RIMBP2: variants seen among roughly 807,000 people sequenced by gnomAD.
RIMBP2 encodes RIMS-binding protein 2.
Under a neutral mutation model 118.6 loss-of-function variants are expected in RIMBP2, and 48 were observed. The observed-to-expected ratio is 0.40, with a 90% CI of 0.32 to 0.51. The LOEUF is 0.51. Among genes scored for constraint, RIMBP2 ranks in the 20% least tolerant of loss-of-function variants. RIMBP2 has a pLI of 0.41. For synonymous variants in RIMBP2, 762 were observed against 742.9 expected (o/e 1.03, Z -0.42); for missense variants, 1,551 against 1,768.3 (o/e 0.88, Z 2.20).
intron 2 of RIMBP2, among the ~76,000 whole-genome samples, chr12:130,615,276 C>CATACATATATATATATATAT (rs1455080257): frequency 6.4e-4 from 64 of 100,254 alleles, no homozygotes; most frequent in Middle Eastern, 5.3e-3. Context: ...AATACACATA[C>CATACATATATATATATATAT]ATATATATAT....
intron 2 of RIMBP2, among the ~76,000 whole-genome samples, chr12:130,568,760 A>T (rs1454909760): frequency 6.6e-6 from 1 of 152,166 alleles, no homozygotes; most frequent in African/African-American, 2.4e-5. Context: ...AAATGATTTG[A>T]TACACGCTAT....
chr12:130,418,310 T>C (rs2136606716), intron 17 of RIMBP2, among the ~76,000 whole-genome samples: 1 of 152,328 alleles, frequency 6.6e-6, no homozygotes, highest in Admixed American at 6.5e-5. Flanking sequence ...TATGATTTTG[T>C]TGATAGTCCA....
intron 1 of RIMBP2, among the ~76,000 whole-genome samples, chr12:130,672,871 C>A (rs956564678): frequency 1.3e-5 from 2 of 152,188 alleles, no homozygotes; most frequent in South Asian, 2.1e-4. Context: ...GAAAACACAG[C>A]GTTTACAGGC....
At chr12:130,515,762 A>G (rs2051385597) in intron 3 of RIMBP2, among the ~76,000 whole-genome samples, 1 of 151,840 alleles carries the variant, frequency 6.6e-6, no homozygotes, top group South Asian at 2.1e-4. Context: ...CAATGGCATG[A>G]TCTCGGCTCA....
chr12:130,399,603 A>G, intron 22 of RIMBP2, 76 bp downstream of exon 22: 1 of 1,505,730 alleles, frequency 6.6e-7, no homozygotes, highest in East Asian at 2.3e-5. Context: ...ATATAAAAAT[A>G]TCAGTGCAAA....
At chr12:130,644,387 C>T (rs2062756533) in intron 1 of RIMBP2, among the ~76,000 whole-genome samples, 1 of 152,204 alleles carries the variant, frequency 6.6e-6, no homozygotes. Flanking sequence ...ACCGTAAGAT[C>T]CAGCCCTGAG....
At chr12:130,455,517 C>T (rs2079361059) in intron 7 of RIMBP2, among the ~76,000 whole-genome samples, 1 of 152,232 alleles carries the variant, frequency 6.6e-6, no homozygotes, top group South Asian at 2.1e-4. Context: ...CCTCCCACAG[C>T]CACGACCACT....
intron 12 of RIMBP2, 31 bp downstream of exon 12, chr12:130,438,334 A>ATCCCCCCCCCCCCCC: frequency 7.4e-7 from 1 of 1,344,516 alleles, no homozygotes; most frequent in Non-Finnish European, 1.1e-6. Context: ...GGGCCTAACA[A>ATCCCCCCCCCCCCCC]ACCCTCCCCA....
rs893513105 is a variant in RIMBP2 at position 130,703,521 on chromosome 12, C to T, written c.-352+12701G>A. Among the ~76,000 whole-genome samples the T allele has an allele frequency of 2.0e-5, 3 of 152,136 alleles. 1 individual carries two copies. Among genetic ancestry groups the T allele is most frequent in the South Asian group, 4.1e-4 (2 of 4,828 alleles). ...TCCCTCACCCACTGCTGCGACCACC[C>T]GGTGCTCAGCTCAGGGCTGAGCCGC... is the stretch of plus-strand genomic sequence containing the variant. On this transcript the variant is annotated intron_variant, in intron 1 of 22. Transcript: ENST00000690449. The surrounding 1 kb of genome is among the most constrained non-coding windows in gnomAD (Gnocchi z 5.7).
Position 130,620,980 on chromosome 12 carries a change from A to G in RIMBP2, c.-217+7342T>C, listed in dbSNP as rs188799207. On this transcript the variant is annotated intron_variant, in intron 2 of 22. Coordinates refer to ENST00000690449, the MANE Select transcript of RIMBP2 (RefSeq NM_001393629.1). The surrounding 1 kb of genome is among the most constrained non-coding windows in gnomAD (Gnocchi z 5.3). ...TGTGAGCCATCCTTGGCATGGTTAC[A>G]TTAGCCATGGGCGGGCGAGCAACCT... is the stretch of plus-strand genomic sequence containing the variant. 3.3e-4 allele frequency among the ~76,000 whole-genome samples: 51 copies of G among 152,308 alleles called. No individual in the cohort carries two copies. Among genetic ancestry groups the G allele is most frequent in the Non-Finnish European group, 6.5e-4 (44 of 68,026 alleles).
Position 130,475,615 on chromosome 12 carries a change from G to A in RIMBP2, c.102+3297C>T, listed in dbSNP as rs542522610. Among the ~76,000 whole-genome samples the A allele has an allele frequency of 6.6e-5, 10 of 152,210 alleles. No individual in the cohort carries two copies. The highest frequency in any genetic ancestry group is 3.9e-4 in the East Asian group (2 of 5,156). ...AAGGAAGAGGCCAGGGGCTCCAGGCGGGCGTCTCCAAGGGGAAAATGGAAT... is the reference window on the plus strand; with the variant it reads ...AAGGAAGAGGCCAGGGGCTCCAGGCAGGCGTCTCCAAGGGGAAAATGGAAT... On this transcript the variant is annotated intron_variant, in intron 5 of 22. Transcript: ENST00000690449. The surrounding 1 kb of genome is among the most constrained non-coding windows in gnomAD (Gnocchi z 4.1).
In RIMBP2 at chr12:130,424,577, C is replaced by T. The variant is rs1317691220; in HGVS notation, c.2694G>A (p.Glu898=). Residue 898 remains glutamate (E), a synonymous_variant, in exon 16 of 23, where the codon GAG becomes GAA. Transcript: ENST00000690449. The surrounding 1 kb of genome is among the most constrained non-coding windows in gnomAD (Gnocchi z 9.8). ...HRGSGAVPHV[E]DFLLEDRGCR... is the part of the protein sequence containing the mutation. ...AGCCCCTGTCTTCCAGAAGGAAGTC[C>T]TCCACGTGGGGGACGGCCCCCGAGC... 4 of 1,231,868 alleles carry T rather than the reference C, an allele frequency of 3.2e-6. No homozygotes were observed. Among genetic ancestry groups the T allele is most frequent in the Non-Finnish European group, 4.0e-6 (4 of 987,864 alleles). The allele number at this position is 1,231,868 out of a possible 1,614,324, so 76.3% of individuals were successfully genotyped here.
At chr12:130,601,668 G>C (rs1182015288) in intron 2 of RIMBP2, among the ~76,000 whole-genome samples, 2 of 152,102 alleles carry the variant, frequency 1.3e-5, no homozygotes, top group Non-Finnish European at 2.9e-5. Context: ...ATTCATCCCA[G>C]GTTCTTTGTG....
At position 130,683,897 on chromosome 12, in the gene RIMBP2, T is replaced by C. The variant is rs1218536201; in HGVS notation, c.-352+32325A>G. On this transcript the variant is annotated intron_variant, in intron 1 of 22. Transcript: ENST00000690449. This position sits in a 1 kb window ranked among gnomAD's most constrained non-coding sequence, Gnocchi z 4.4. ...TCCTGCCTATGGAATAGCCATTCTTTATTCCTTTACTTTCCTAATAAATTT... is the reference window on the plus strand; with the variant it reads ...TCCTGCCTATGGAATAGCCATTCTTCATTCCTTTACTTTCCTAATAAATTT... Among the ~76,000 whole-genome samples, 1 of 152,240 alleles carries C rather than the reference T, an allele frequency of 6.6e-6. No homozygotes were observed. Among genetic ancestry groups the C allele is most frequent in the Admixed American group, 6.5e-5 (1 of 15,274 alleles).
intron 1 of RIMBP2, among the ~76,000 whole-genome samples, chr12:130,697,524 T>TA (rs1055186122): frequency 1.4e-4 from 22 of 152,082 alleles, no homozygotes; most frequent in Admixed American, 3.3e-4. Flanking sequence ...CTGGCCTCTT[T>TA]AAAAAAATCA....
chr12:130,548,545 C>T (rs987100083), intron 2 of RIMBP2, among the ~76,000 whole-genome samples: 4 of 152,072 alleles, frequency 2.6e-5, no homozygotes, highest in Non-Finnish European at 5.9e-5. Context: ...CTCATCACAA[C>T]CTTGCTGCCT....
rs750702158 is a variant in RIMBP2, at chr12:130,511,336, G to A, written c.-126-4566C>T. On this transcript the variant is annotated intron_variant, in intron 3 of 22. Coordinates refer to ENST00000690449, the MANE Select transcript of RIMBP2 (RefSeq NM_001393629.1). The surrounding 1 kb of genome is among the most constrained non-coding windows in gnomAD (Gnocchi z 4.3). ...AGAGCGGTGAGACACGGTGGTGTGTGTGCTTGTAGGAATTTGTCACAGCAG... is the reference window on the plus strand; with the variant it reads ...AGAGCGGTGAGACACGGTGGTGTGTATGCTTGTAGGAATTTGTCACAGCAG... 1.1e-4 allele frequency among the ~76,000 whole-genome samples: 16 copies of A among 152,222 alleles called. No individual in the cohort carries two copies. Among genetic ancestry groups the A allele is most frequent in the Non-Finnish European group, 2.2e-4 (15 of 68,038 alleles).
chr12:130,625,725 G>T (rs1057154172), intron 2 of RIMBP2, among the ~76,000 whole-genome samples: 3 of 152,162 alleles, frequency 2.0e-5, no homozygotes, highest in East Asian at 1.9e-4. Flanking sequence ...ATATAGGAAA[G>T]ACTCATACAC....
intron 2 of RIMBP2, among the ~76,000 whole-genome samples, chr12:130,610,551 CT>C (rs386378269): frequency 5.3e-3 from 433 of 81,510 alleles, no homozygotes; most frequent in African/African-American, 0.019. Flanking sequence ...AATTTTCCTG[CT>C]TTTTTTTTTT....
Sources: gnomAD v4.1 joint callset for allele counts (sites outside exome capture counted in the v4.1 genomes callset) on GRCh38, gnomAD v4.1.1 for gene constraint, Gnocchi (gnomAD v3.1) non-coding constraint, MANE v1.5 for transcripts, NCBI Gene and HGNC (gene_info 2026-07-23, HGNC 2026-07-21) for gene names.